MFSD8: variants seen among roughly 807,000 people sequenced by gnomAD.
MFSD8 encodes major facilitator superfamily domain-containing protein 8.
A neutral mutation model predicts 66.4 loss-of-function variants in MFSD8; 55 were observed. The observed-to-expected ratio is 0.83, with a 90% confidence interval of 0.67 to 1.04. The LOEUF (loss-of-function observed/expected upper bound fraction) is 1.04, where lower values mean the gene tolerates loss of function less well. MFSD8 is among the 50% of genes least tolerant of loss of function. The probability of loss-of-function intolerance (pLI) is 0.00; values close to 1 mark genes in which losing one functional copy is unlikely to be tolerated. For synonymous variants in MFSD8, 202 were observed against 212.8 expected, an observed-to-expected ratio of 0.95 and a Z score of 0.44; for missense variants, 550 against 627.6, an observed-to-expected ratio of 0.88 and a Z score of 1.32.
intron 6 of MFSD8, 159 bp downstream of exon 6, chr4:127,939,694 A>G: frequency 3.9e-6 from 2 of 511,444 alleles, no homozygotes; most frequent in Non-Finnish European, 6.5e-6. Context: ...TTTGGTTGCC[A>G]GTATTACATG....
Position 127,933,010 on chromosome 4 carries a change from G to C in MFSD8, c.838C>G (p.Leu280Val), listed in dbSNP as rs749001842. The change falls in exon 8 of 12, where the codon CTA becomes GTA. Residue 280 changes from leucine to valine, a missense_variant. Physicochemically the swap from Leu to Val is conservative, Grantham distance 32. Transcript: ENST00000641686. ...VAINVLFFVT[L>V]FIFALFETII... ...GTTTCAAAAAGGGCAAAGATAAATA[G>C]AGTCACAAAAAACAGAACATTGATG... 1.5e-5 allele frequency: 25 copies of C among 1,613,336 alleles called. No homozygotes were observed. Among genetic ancestry groups the C allele is most frequent in the Non-Finnish European group, 2.0e-5 (24 of 1,179,640 alleles).
rs192377453 is a variant in MFSD8, at chr4:127,942,490, G to A, written c.440-332C>T. 1.5e-3 allele frequency among the ~76,000 whole-genome samples: 232 copies of A among 152,192 alleles called. 2 individuals carry two copies. The highest frequency in any genetic ancestry group is 2.6e-3 in the Admixed American group (39 of 15,280). ...TAGGTGGATCATTTTGAGGTCAGGA[G>A]TTCAAGACCAGCCTGGCCAACACGG... On this transcript the variant is annotated intron_variant, in intron 4 of 11. Transcript: ENST00000641686.
chr4:127,965,305 C>A, upstream of MFSD8: 1 of 760,744 alleles, frequency 1.3e-6, no homozygotes, highest in Non-Finnish European at 2.2e-6. Context: ...GAAGGCCGGG[C>A]AGCGCAGGGC....
chr4:127,961,048 A>G (rs1389487282), intron 1 of MFSD8, among the ~76,000 whole-genome samples: 3 of 152,168 alleles, frequency 2.0e-5, no homozygotes, highest in East Asian at 3.8e-4. Context: ...TGTCTTAAAT[A>G]AAGCTCCATA....
intron 7 of MFSD8, among the ~76,000 whole-genome samples, chr4:127,935,321 A>G (rs141261300): frequency 6.6e-6 from 1 of 152,252 alleles, no homozygotes; most frequent in East Asian, 1.9e-4. Context: ...TTGCTTCATA[A>G]TATGTGGTTA....
chr4:127,952,224 T>G (rs544399695), intron 2 of MFSD8, among the ~76,000 whole-genome samples: 1 of 151,296 alleles, frequency 6.6e-6, no homozygotes, highest in Non-Finnish European at 1.5e-5. Flanking sequence ...GCTAACACAG[T>G]GAAACCCTGT....
intron 9 of MFSD8, among the ~76,000 whole-genome samples, chr4:127,925,202 A>T (rs1420247190): frequency 6.6e-6 from 1 of 152,214 alleles, no homozygotes; most frequent in Admixed American, 6.5e-5. Flanking sequence ...CATGTCTAAA[A>T]CACCAAAAGC....
At position 127,920,316 on chromosome 4, in the gene MFSD8, G is replaced by A. The variant is rs1736175233; in HGVS notation, c.*314C>T. The stretch of plus-strand genomic sequence containing the variant: ...TATTTTAATGACACTTCTGCAGTGG[G>A]TATTAAGAATACAGCTTCACATTTA... On this transcript the variant is annotated 3_prime_UTR_variant, in exon 12 of 12. Coordinates refer to ENST00000641686, the MANE Select transcript of MFSD8 (RefSeq NM_001371596.2). 1 of 367,418 alleles carries A rather than the reference G, an allele frequency of 2.7e-6. No homozygotes were observed. The highest frequency in any genetic ancestry group is 5.2e-6 in the Non-Finnish European group (1 of 191,830). 22.8% of individuals were successfully genotyped at this position (367,418 alleles called of 1,614,324 possible).
At chr4:127,943,089 C>T (rs1487199995) in intron 4 of MFSD8, among the ~76,000 whole-genome samples, 3 of 151,882 alleles carry the variant, frequency 2.0e-5, no homozygotes, top group Admixed American at 6.6e-5. Context: ...CAGTGGCAGA[C>T]GCCTGTAATC....
intron 3 of MFSD8, among the ~76,000 whole-genome samples, chr4:127,946,780 T>A (rs938090912): frequency 1.3e-5 from 2 of 151,948 alleles, no homozygotes; most frequent in Non-Finnish European, 2.9e-5. Context: ...CTGGGCGTGG[T>A]GGTGCACGAC....
In MFSD8 at chr4:127,930,808, A is replaced by T. The variant is rs1737992977; in HGVS notation, c.873T>A (p.Thr291=). 1 of 1,608,604 alleles carries T rather than the reference A, an allele frequency of 6.2e-7. No homozygotes were observed. The highest frequency in any genetic ancestry group is 2.2e-5 in the East Asian group (1 of 44,718). ...AGGCATACATATCCATTGTTAATGG[A>T]GTAATGATGCTAAGAAAAAAAAAAT... is the stretch of plus-strand genomic sequence containing the variant. ...FIFALFETII[T]PLTMDMYAWT... Residue 291 remains threonine (T), a synonymous_variant, in exon 9 of 12, where the codon ACT becomes ACA. Transcript: ENST00000641686.
intron 9 of MFSD8, among the ~76,000 whole-genome samples, chr4:127,926,646 A>C (rs1578820134): frequency 1.3e-5 from 2 of 152,108 alleles, no homozygotes; most frequent in African/African-American, 2.4e-5. Flanking sequence ...TTTGAATATA[A>C]ATATATGTCT....
At chr4:127,927,775 C>T (rs1356127395) in intron 9 of MFSD8, among the ~76,000 whole-genome samples, 1 of 152,114 alleles carries the variant, frequency 6.6e-6, no homozygotes, top group East Asian at 1.9e-4. Context: ...CAGCCTCAAA[C>T]TCCTGGGTTC....
chr4:127,961,659 A>C (rs1427444241), intron 1 of MFSD8, among the ~76,000 whole-genome samples: 5 of 151,528 alleles, frequency 3.3e-5, no homozygotes, highest in Non-Finnish European at 5.9e-5. Context: ...CTAAAAATAC[A>C]AAAAAAATTA....
At chr4:127,933,921 GT>G (rs777650994) in intron 7 of MFSD8, among the ~76,000 whole-genome samples, 1 of 151,874 alleles carries the variant, frequency 6.6e-6, no homozygotes, top group Non-Finnish European at 1.5e-5. Flanking sequence ...GCCAGGAGTG[GT>G]GGCTCATACA....
intron 9 of MFSD8, among the ~76,000 whole-genome samples, chr4:127,929,580 G>T (rs910110679): frequency 6.6e-6 from 1 of 150,514 alleles, no homozygotes; most frequent in Non-Finnish European, 1.5e-5. Context: ...AGAGTGAGAC[G>T]CCATCTTTTA....
intron 1 of MFSD8, among the ~76,000 whole-genome samples, chr4:127,959,959 T>C (rs1021695733): frequency 2.0e-4 from 30 of 152,196 alleles, no homozygotes; most frequent in African/African-American, 6.8e-4. Flanking sequence ...GCTTCTTTCT[T>C]GTATGACCGG....
chr4:127,925,571 T>C (rs1737061524), intron 9 of MFSD8, among the ~76,000 whole-genome samples: 1 of 152,124 alleles, frequency 6.6e-6, no homozygotes, highest in African/African-American at 2.4e-5. Context: ...GTGGCAATCA[T>C]TAAAAAGTCG....
intron 9 of MFSD8, among the ~76,000 whole-genome samples, chr4:127,926,388 T>C (rs115346810): frequency 0.03 from 3,662 of 123,146 alleles, 154 homozygotes; most frequent in African/African-American, 0.1. Flanking sequence ...CATATATACC[T>C]TCCTTGAGCA....
Sources: allele counts gnomAD v4.1 joint callset (sites outside exome capture counted in the v4.1 genomes callset), GRCh38; gene constraint gnomAD v4.1.1; transcripts MANE v1.5; gene names NCBI Gene and HGNC (gene_info 2026-07-23, HGNC 2026-07-21).